Variants in ABTB3 observed in about 807,000 individuals in gnomAD.
ABTB3 encodes the protein ankyrin repeat and BTB domain containing 3.
the ABTB3 span, among the ~76,000 whole-genome samples, chr12:107,330,635 C>T: frequency 4.6e-5 from 7 of 152,196 alleles, no homozygotes; most frequent in Non-Finnish European, 8.8e-5. Context: ...GAGCTGGAAC[C>T]GGTATCCCAG....
chr12:107,635,189 A>G, the ABTB3 span: 6 of 1,047,336 alleles, frequency 5.7e-6, no homozygotes, highest in Non-Finnish European at 8.5e-6. Flanking sequence ...TAAATGTGTG[A>G]GCTCTTATCA....
the ABTB3 span, among the ~76,000 whole-genome samples, chr12:107,578,184 G>A: frequency 2.6e-5 from 4 of 151,946 alleles, no homozygotes; most frequent in Non-Finnish European, 4.4e-5. Flanking sequence ...ATGAGTTACT[G>A]GCAAAGAATT....
At chr12:107,434,125 C>G in the ABTB3 span, among the ~76,000 whole-genome samples, 1 of 152,232 alleles carries the variant, frequency 6.6e-6, no homozygotes, top group Non-Finnish European at 1.5e-5. Flanking sequence ...ACACTGACCA[C>G]CATGGGTGAC....
the ABTB3 span, among the ~76,000 whole-genome samples, chr12:107,482,920 CTTTCTTTCT>C: frequency 7.0e-4 from 25 of 35,644 alleles, 1 homozygote; most frequent in African/African-American, 4.1e-3. Context: ...CTTCTTCTTT[CTTTCTTTCT>C]TTCTTTCTTT....
the ABTB3 span, among the ~76,000 whole-genome samples, chr12:107,528,559 C>T: frequency 6.6e-6 from 1 of 152,198 alleles, no homozygotes; most frequent in African/African-American, 2.4e-5. Context: ...AAACTCTGTT[C>T]AGTTAGTGAC....
the ABTB3 span, chr12:107,620,044 C>T: frequency 3.1e-6 from 5 of 1,614,182 alleles, no homozygotes; most frequent in Non-Finnish European, 4.2e-6. Context: ...TCCAGCAGCA[C>T]CGCAGGCCTC....
the ABTB3 span, among the ~76,000 whole-genome samples, chr12:107,497,151 C>T: frequency 2.5e-3 from 382 of 152,112 alleles, 2 homozygotes; most frequent in Non-Finnish European, 4.0e-3. Context: ...TCATCACAAC[C>T]GCCACCATCA....
the ABTB3 span, among the ~76,000 whole-genome samples, chr12:107,596,215 G>A: frequency 6.6e-6 from 1 of 152,310 alleles, no homozygotes; most frequent in Non-Finnish European, 1.5e-5. Context: ...TCCAGTCAAG[G>A]ATCCAATTGC....
chr12:107,460,007 A>G, the ABTB3 span, among the ~76,000 whole-genome samples: 1 of 152,232 alleles, frequency 6.6e-6, no homozygotes, highest in Non-Finnish European at 1.5e-5. Flanking sequence ...CTGGGAAAAC[A>G]GGCTGGCTCC....
chr12:107,454,696 C>G, the ABTB3 span, among the ~76,000 whole-genome samples: 1 of 152,144 alleles, frequency 6.6e-6, no homozygotes, highest in Admixed American at 6.5e-5. Flanking sequence ...CCTTCCTGGG[C>G]AGCAGCAGGA....
the ABTB3 span, among the ~76,000 whole-genome samples, chr12:107,341,806 A>G: frequency 1.3e-5 from 2 of 152,140 alleles, no homozygotes; most frequent in African/African-American, 4.8e-5. Context: ...TGTCTTCACC[A>G]CAGCAAGTTC....
the ABTB3 span, among the ~76,000 whole-genome samples, chr12:107,498,297 A>T: frequency 6.6e-6 from 1 of 152,180 alleles, no homozygotes; most frequent in South Asian, 2.1e-4. Context: ...TTTAAAGTGA[A>T]ATTAGATGTC....
the ABTB3 span, among the ~76,000 whole-genome samples, chr12:107,488,172 C>G: frequency 8.2e-4 from 124 of 152,116 alleles, 1 homozygote; most frequent in African/African-American, 2.8e-3. Flanking sequence ...CAGAGTCAGA[C>G]CTGGGCTCAG....
At chr12:107,443,886 G>A in the ABTB3 span, among the ~76,000 whole-genome samples, 2 of 152,178 alleles carry the variant, frequency 1.3e-5, no homozygotes, top group African/African-American at 2.4e-5. Context: ...TGAAATGTGG[G>A]TGCTCCACCA....
At chr12:107,562,136 A>G in the ABTB3 span, among the ~76,000 whole-genome samples, 1 of 152,228 alleles carries the variant, frequency 6.6e-6, no homozygotes, top group Non-Finnish European at 1.5e-5. Flanking sequence ...TTATTCTTTC[A>G]TCCATTCAAC....
the ABTB3 span, among the ~76,000 whole-genome samples, chr12:107,588,061 T>C: frequency 6.6e-6 from 1 of 152,180 alleles, no homozygotes; most frequent in African/African-American, 2.4e-5. Flanking sequence ...TTCCTTGGCT[T>C]GTGGCAGCAT....
At chr12:107,393,249 A>C in the ABTB3 span, among the ~76,000 whole-genome samples, 122 of 142,718 alleles carry the variant, frequency 8.5e-4, no homozygotes, top group Admixed American at 1.6e-3. Context: ...TAATGAGGTC[A>C]TGGGAAGAAT....
the ABTB3 span, among the ~76,000 whole-genome samples, chr12:107,370,064 T>C: frequency 6.6e-6 from 1 of 152,224 alleles, no homozygotes; most frequent in Middle Eastern, 3.2e-3. Context: ...CTAGAATATA[T>C]GTAAAAGCAT....
the ABTB3 span, among the ~76,000 whole-genome samples, chr12:107,608,280 T>C: frequency 2.0e-5 from 3 of 152,326 alleles, no homozygotes; most frequent in East Asian, 5.8e-4. Context: ...CAGTTGGCTC[T>C]ATCACATCTC....
Sources: allele counts gnomAD v4.1 joint callset (sites outside exome capture counted in the v4.1 genomes callset), GRCh38; gene constraint gnomAD v4.1.1; transcripts MANE v1.5; gene names NCBI Gene and HGNC (gene_info 2026-07-23, HGNC 2026-07-21).